The following MICAL2 variants were observed in gnomAD, a reference collection of about 807,000 sequenced individuals.
The protein encoded by MICAL2 is microtubule associated monooxygenase, calponin and LIM domain containing 2.
MICAL2 carries 77 observed loss-of-function variants against 127.3 expected under a neutral mutation model. That is an observed-to-expected ratio of 0.60 (90% confidence interval 0.50 to 0.73). The LOEUF (loss-of-function observed/expected upper bound fraction) is 0.73, where lower values mean the gene tolerates loss of function less well. Ranked by LOEUF, MICAL2 falls within the 30% of genes least tolerant of loss-of-function variation. The pLI, the probability that MICAL2 is intolerant of heterozygous loss-of-function variation, is 0.00. For synonymous variants in MICAL2, 570 were observed against 551.1 expected, an observed-to-expected ratio of 1.03 and a Z score of -0.48; for missense variants, 1,351 against 1,434.4, an observed-to-expected ratio of 0.94 and a Z score of 0.94.
intron 29 of MICAL2, among the ~76,000 whole-genome samples, chr11:12,302,599 A>T (rs1362213907): frequency 6.6e-6 from 1 of 151,664 alleles, no homozygotes; most frequent in East Asian, 1.9e-4. Context: ...CCATACTTTT[A>T]TTGTGTTGTC....
intron 3 of MICAL2, among the ~76,000 whole-genome samples, chr11:12,184,390 T>C (rs1165231424): frequency 6.6e-6 from 1 of 152,164 alleles, no homozygotes; most frequent in Non-Finnish European, 1.5e-5. Flanking sequence ...AAGAGAGGGC[T>C]CCACTGCAGA....
At chr11:12,189,778 G>A (rs566282627) in intron 3 of MICAL2, among the ~76,000 whole-genome samples, 2 of 152,320 alleles carry the variant, frequency 1.3e-5, no homozygotes, top group South Asian at 4.1e-4. Context: ...TGCCACCAGA[G>A]GGAAAGTGCC....
intron 2 of MICAL2, 195 bp from the exon 3 acceptor site, chr11:12,161,884 C>G (rs1033625642): frequency 4.1e-6 from 2 of 490,942 alleles, no homozygotes; most frequent in Admixed American, 3.4e-5. Context: ...GAAGAGATTA[C>G]CTGCAATGCC....
intron 33 of MICAL2, chr11:12,350,012 C>T (rs754210602): frequency 3.6e-5 from 44 of 1,228,126 alleles, no homozygotes; most frequent in Admixed American, 3.4e-4. Flanking sequence ...CCTCCTAGGC[C>T]GAAGTCTCGG....
At chr11:12,166,327 T>A (rs1407167842) in intron 3 of MICAL2, among the ~76,000 whole-genome samples, 1 of 152,252 alleles carries the variant, frequency 6.6e-6, no homozygotes, top group Non-Finnish European at 1.5e-5. Flanking sequence ...TATTTGCTCA[T>A]TAGCAGGTGT....
intron 5 of MICAL2, among the ~76,000 whole-genome samples, chr11:12,209,266 C>T (rs1472675571): frequency 1.3e-5 from 2 of 152,150 alleles, no homozygotes; most frequent in Admixed American, 1.3e-4. Flanking sequence ...CAAAACCAGG[C>T]ATGGAGTTGG....
chr11:12,309,645 T>A (rs1864149672), intron 29 of MICAL2, among the ~76,000 whole-genome samples: 1 of 152,184 alleles, frequency 6.6e-6, no homozygotes, highest in Admixed American at 6.5e-5. Context: ...GGAATGTAGG[T>A]GTCTCTTCAA....
In MICAL2 at chr11:12,242,292, C is replaced by G; in HGVS notation, c.2416C>G (p.Pro806Ala). ...VSAGSECLSR[P>A]WRARAKSDLQ... is the part of the protein sequence containing the mutation. ...TGCTGGCAGTGAGTGCCTGAGCAGA[C>G]CTTGGAGAGCCAGAGCCAAGTCTGA... is the stretch of plus-strand genomic sequence containing the variant. The change falls in exon 19 of 28, where the codon CCT (proline) becomes GCT (alanine). Residue 806 changes from proline (P) to alanine (A), a missense_variant. Physicochemically the swap from Pro to Ala is conservative, Grantham distance 27 (BLOSUM62 -1). Coordinates refer to ENST00000683283, the MANE Select transcript of MICAL2 (RefSeq NM_001282663.2). 1 of 1,614,102 alleles carries G rather than the reference C, an allele frequency of 6.2e-7. No individual in the cohort carries two copies. The highest frequency in any genetic ancestry group is 8.5e-7 in the Non-Finnish European group (1 of 1,179,994).
intron 2 of MICAL2, among the ~76,000 whole-genome samples, chr11:12,284,615 AT>A (rs1034665082): frequency 0.015 from 2,233 of 148,890 alleles, 50 homozygotes; most frequent in African/African-American, 0.052. Context: ...GCTTTATGCA[AT>A]TTTTTTTTTT....
At chr11:12,217,725 G>A (rs776195077) in intron 8 of MICAL2, among the ~76,000 whole-genome samples, 3 of 152,122 alleles carry the variant, frequency 2.0e-5, no homozygotes, top group Non-Finnish European at 4.4e-5. Context: ...ATGGCAACTC[G>A]CTTCCCTGGC....
intron 32 of MICAL2, among the ~76,000 whole-genome samples, chr11:12,343,539 G>A (rs1938904194): frequency 6.6e-6 from 1 of 152,036 alleles, no homozygotes; most frequent in African/African-American, 2.4e-5. Context: ...GGCAGCACAG[G>A]GAACTCTCTA....
chr11:12,289,946 TGAG>T (rs1163843361), downstream of MICAL2, among the ~76,000 whole-genome samples: 1 of 152,180 alleles, frequency 6.6e-6, no homozygotes, highest in African/African-American at 2.4e-5. Context: ...ACTTTTTGGA[TGAG>T]GAGACAGGGG....
downstream of MICAL2, among the ~76,000 whole-genome samples, chr11:12,265,786 T>TATTC (rs567390760): frequency 5.9e-3 from 891 of 152,294 alleles, 1 homozygote; most frequent in Non-Finnish European, 9.2e-3. Flanking sequence ...TTTACAAAAG[T>TATTC]ATTCCTACTT....
At chr11:12,220,538 T>C (rs2134264258) in intron 9 of MICAL2, 80 bp downstream of exon 9, 2 of 1,533,030 alleles carry the variant, frequency 1.3e-6, no homozygotes, top group Non-Finnish European at 1.7e-6. Flanking sequence ...GTATCTGCTG[T>C]TGTGCAGCGG....
chr11:12,133,905 A>G (rs566993679), intron 1 of MICAL2, among the ~76,000 whole-genome samples: 1 of 152,226 alleles, frequency 6.6e-6, no homozygotes, highest in African/African-American at 2.4e-5. Context: ...GCAGCAGGAC[A>G]TTGCCATCAC....
chr11:12,186,615 T>C (rs7936468), intron 3 of MICAL2, among the ~76,000 whole-genome samples: 39,850 of 152,108 alleles, frequency 0.26, 6,340 homozygotes, highest in African/African-American at 0.44. Flanking sequence ...ACAGGCAGGC[T>C]TCCAGTCTCT....
chr11:12,255,808 G>T (rs1161397306), intron 23 of MICAL2, 58 bp downstream of exon 23: 22 of 1,395,020 alleles, frequency 1.6e-5, no homozygotes, highest in Non-Finnish European at 2.1e-5. Context: ...ATCCCAGGGC[G>T]GGCACATGGG....
At chr11:12,332,277 A>G (rs1447662259) in intron 32 of MICAL2, among the ~76,000 whole-genome samples, 1 of 152,228 alleles carries the variant, frequency 6.6e-6, no homozygotes, top group African/African-American at 2.4e-5. Context: ...TTCATCCATC[A>G]TTAGACATGG....
chr11:12,190,910 A>ATATT (rs1859010880), intron 3 of MICAL2, among the ~76,000 whole-genome samples: 1 of 152,252 alleles, frequency 6.6e-6, no homozygotes, highest in East Asian at 1.9e-4. Flanking sequence ...ATAAGATAAT[A>ATATT]TATGTAAAGC....
Sources: allele counts gnomAD v4.1 joint callset (sites outside exome capture counted in the v4.1 genomes callset), GRCh38; gene constraint gnomAD v4.1.1; transcripts MANE v1.5; gene names NCBI Gene and HGNC (gene_info 2026-07-23, HGNC 2026-07-21).